ABCC4: variants seen among roughly 807,000 people sequenced by gnomAD.
ABCC4 encodes ATP binding cassette subfamily C member 4 (PEL blood group).
Under a neutral mutation model 168.5 loss-of-function variants are expected in ABCC4, and 102 were observed. The observed-to-expected ratio is 0.61, with a 90% CI of 0.52 to 0.71. ABCC4 has a LOEUF of 0.71. ABCC4 is among the 30% of genes least tolerant of loss of function. ABCC4 has a pLI of 0.00. For missense variants in ABCC4, 1,402 were observed against 1,605.8 expected (o/e 0.87, Z 2.17); for synonymous variants, 617 against 590.7 (o/e 1.04, Z -0.65).
intron 4 of ABCC4, among the ~76,000 whole-genome samples, chr13:95,232,053 ATTC>A (rs771751549): frequency 5.2e-4 from 79 of 152,100 alleles, no homozygotes; most frequent in Non-Finnish European, 1.0e-3. Context: ...AAACCTGAGT[ATTC>A]TTCTCCTAAA....
In ABCC4 at chr13:95,044,380, T is replaced by G. The variant is rs1355789609; in HGVS notation, c.3515A>C (p.Glu1172Ala). The G allele has an allele frequency of 1.9e-6, 3 of 1,613,874 alleles. No individual in the cohort carries two copies. The East Asian group carries it at 6.7e-5, about 36-fold the overall frequency. Residue 1172 changes from glutamate to alanine, a missense_variant, in exon 28 of 31, where the codon GAA (glutamate) becomes GCA (alanine). Around this residue, in one of 3 missense-constraint regions of ABCC4, gnomAD observed 1,007 missense variants for 1,127.3 expected, o/e 0.89. Transcript: ENST00000645237. ...LPGKMDTELA[E>A]SGSNFSVGQR... The stretch of plus-strand genomic sequence containing the variant: ...TCCAACACTAAAATTGGATCCTGAT[T>G]CTGCTAATTCAGTATCCATTTTACC...
chr13:95,267,442 T>C (rs1044822699), intron 1 of ABCC4, among the ~76,000 whole-genome samples: 2 of 152,230 alleles, frequency 1.3e-5, no homozygotes, highest in African/African-American at 4.8e-5. Context: ...ATTAAACCTC[T>C]TTCTTTTGTA....
chr13:95,192,421 A>G (rs780409106), intron 9 of ABCC4, among the ~76,000 whole-genome samples: 3 of 152,184 alleles, frequency 2.0e-5, no homozygotes, highest in African/African-American at 4.8e-5. Flanking sequence ...TCTGTTTACA[A>G]TGCAGCTGTC....
At chr13:95,159,093 TTATA>T (rs554884258) in intron 19 of ABCC4, among the ~76,000 whole-genome samples, 2,833 of 60,944 alleles carry the variant, frequency 0.046, 139 homozygotes, top group African/African-American at 0.11. Context: ...TAAATAAATT[TTATA>T]TATATATATA....
At chr13:95,097,348 T>G (rs1391964322) in intron 20 of ABCC4, among the ~76,000 whole-genome samples, 2 of 152,046 alleles carry the variant, frequency 1.3e-5, no homozygotes, top group African/African-American at 4.8e-5. Context: ...TGGATGAAAC[T>G]CCACATAAAA....
intron 25 of ABCC4, among the ~76,000 whole-genome samples, chr13:95,063,683 T>C (rs1377955706): frequency 6.6e-6 from 1 of 152,218 alleles, no homozygotes; most frequent in African/African-American, 2.4e-5. Flanking sequence ...ATCACTCCTC[T>C]ATTAAAGCCA....
intron 1 of ABCC4, among the ~76,000 whole-genome samples, chr13:95,256,826 G>A (rs993644154): frequency 2.0e-5 from 3 of 151,954 alleles, no homozygotes; most frequent in East Asian, 1.9e-4. Flanking sequence ...CAAATCAAGC[G>A]CTTTCTTCCA....
At chr13:95,232,228 C>T (rs1049438717) in intron 4 of ABCC4, among the ~76,000 whole-genome samples, 1 of 151,840 alleles carries the variant, frequency 6.6e-6, no homozygotes, top group African/African-American at 2.4e-5. Flanking sequence ...ATGAGGAATC[C>T]GGGCATACCT....
chr13:95,209,540 C>T lies in ABCC4; in HGVS notation c.679G>A (p.Ala227Thr). 1.2e-6 allele frequency: 2 copies of T among 1,614,164 alleles called. No individual in the cohort carries two copies. Among genetic ancestry groups the T allele is most frequent in the South Asian group, 1.1e-5 (1 of 91,078 alleles). The change falls in exon 6 of 31, where the codon GCC becomes ACC. Residue 227 changes from alanine to threonine, a missense_variant. Transcript: ENST00000645237. ...AGPLQAIAVTALLWMEIGISC... is the reference protein window; with the variant it reads ...AGPLQAIAVTTLLWMEIGISC... ...ATTCCTATCTCCATCCAGAGTAGGG[C>T]AGTCACTGCAATCGCCTGCAGTGGT...
chr13:95,032,376 A>G (rs2031915699), intron 30 of ABCC4, among the ~76,000 whole-genome samples: 1 of 152,166 alleles, frequency 6.6e-6, no homozygotes, highest in South Asian at 2.1e-4. Flanking sequence ...CACCACATCA[A>G]TCAAATCTCT....
At chr13:95,217,417 C>G (rs1009488808) in intron 4 of ABCC4, among the ~76,000 whole-genome samples, 1 of 152,064 alleles carries the variant, frequency 6.6e-6, no homozygotes, top group Non-Finnish European at 1.5e-5. Flanking sequence ...GTCTTTCCCC[C>G]CTCTCTAATA....
At chr13:95,177,615 G>T in intron 13 of ABCC4, 92 bp downstream of exon 13, 2 of 967,090 alleles carry the variant, frequency 2.1e-6, no homozygotes, top group Non-Finnish European at 3.1e-6. Flanking sequence ...GGACACCAGA[G>T]TAGGATGAGC....
chr13:95,231,414 A>G (rs550352901), intron 4 of ABCC4, among the ~76,000 whole-genome samples: 2 of 152,362 alleles, frequency 1.3e-5, no homozygotes, highest in African/African-American at 4.8e-5. Flanking sequence ...AGATCATTCA[A>G]TACCAAATGT....
At chr13:95,195,208 G>A (rs991916712) in intron 8 of ABCC4, among the ~76,000 whole-genome samples, 10 of 152,094 alleles carry the variant, frequency 6.6e-5, no homozygotes, top group African/African-American at 1.4e-4. Flanking sequence ...TAAATAAACC[G>A]AAAATACTGC....
In ABCC4 at chr13:95,083,234, G is replaced by A. The variant is rs576333615; in HGVS notation, c.2592C>T (p.Ile864=). The stretch of plus-strand genomic sequence containing the variant: ...TTCCAAGGGGAACCAAGGGTATTGC[G>A]ATCCAAGGAATCACGGCCACAGCCA... ...VSVAVAVIPW[I]AIPLVPLGII... is the part of the protein sequence containing the mutation. Residue 864 remains isoleucine, a synonymous_variant, in exon 21 of 31, where the codon ATC becomes ATT. Transcript: ENST00000645237. The A allele has an allele frequency of 3.1e-6, 5 of 1,613,892 alleles. No homozygotes were observed. Among genetic ancestry groups the A allele is most frequent in the African/African-American group, 2.7e-5 (2 of 75,008 alleles).
intron 19 of ABCC4, among the ~76,000 whole-genome samples, chr13:95,151,613 G>C (rs1285231105): frequency 6.7e-6 from 1 of 149,566 alleles, no homozygotes; most frequent in Non-Finnish European, 1.5e-5. Flanking sequence ...AGAAGGAGAA[G>C]GAGAAGAAGG....
rs892779725 is a variant in ABCC4, at chr13:95,020,739, A to G, written c.*836T>C. 2 of 152,296 alleles carry G rather than the reference A, an allele frequency of 1.3e-5. No individual in the cohort carries two copies. Among genetic ancestry groups the G allele is most frequent in the Non-Finnish European group, 2.9e-5 (2 of 68,052 alleles). The allele number at this position is 152,296 out of a possible 1,614,324, so 9.4% of individuals were successfully genotyped here. ...CTTCCATAAATGAGAAATCCAAAAA[A>G]GAATAATGCCACGTATTTCAGGAAT... On this transcript the variant is annotated 3_prime_UTR_variant, in exon 31 of 31. Coordinates refer to ENST00000645237, the MANE Select transcript of ABCC4 (RefSeq NM_005845.5).
intron 19 of ABCC4, among the ~76,000 whole-genome samples, chr13:95,160,581 C>G (rs1231269447): frequency 6.6e-6 from 1 of 152,236 alleles, no homozygotes; most frequent in South Asian, 2.1e-4. Context: ...AACCAAAAGT[C>G]TACTTCAAAA....
chr13:95,062,817 T>A lies in ABCC4; in HGVS notation c.3253A>T (p.Ile1085Phe). ...TCTGACAATCTAAAAAGGGCTGAGA[T>A]GAGGGAACTTTTTCCAGCTCCGGTT... ...GRTGAGKSSL[I>F]SALFRLSEPE... Residue 1085 changes from isoleucine to phenylalanine, a missense_variant, in exon 26 of 31, where the codon ATC becomes TTC. By Grantham distance (21) the Ile-to-Phe change is conservative (BLOSUM62 0). Transcript: ENST00000645237. The A allele has an allele frequency of 6.2e-7, 1 of 1,613,360 alleles. No homozygotes were observed. Among genetic ancestry groups the A allele is most frequent in the Non-Finnish European group, 8.5e-7 (1 of 1,179,884 alleles).
Sources: allele counts gnomAD v4.1 joint callset (sites outside exome capture counted in the v4.1 genomes callset), GRCh38; gene constraint gnomAD v4.1.1; regional missense constraint gnomAD v4.1.1; transcripts MANE v1.5; gene names NCBI Gene and HGNC (gene_info 2026-07-23, HGNC 2026-07-21).